SLC22A3: variants seen among roughly 807,000 people sequenced by gnomAD.
The protein encoded by SLC22A3 is EMT organic cation transporter 3.
A neutral mutation model predicts 59.1 loss-of-function variants in SLC22A3; 51 were observed. The observed-to-expected ratio is 0.86, with a 90% CI of 0.69 to 1.09. The LOEUF is 1.09. Ranked by LOEUF, SLC22A3 falls within the 50% of genes least tolerant of loss-of-function variation. The pLI is 0.00. For synonymous variants in SLC22A3, 325 were observed against 292.0 expected, an observed-to-expected ratio of 1.11 and a Z score of -1.15; for missense variants, 711 against 726.3, an observed-to-expected ratio of 0.98 and a Z score of 0.24.
intron 5 of SLC22A3, among the ~76,000 whole-genome samples, chr6:160,429,950 A>G (rs1583505899): frequency 6.6e-6 from 1 of 152,224 alleles, no homozygotes; most frequent in East Asian, 1.9e-4. Flanking sequence ...CTAAAGGAAA[A>G]AGTGCTGGGT....
intron 2 of SLC22A3, among the ~76,000 whole-genome samples, chr6:160,401,265 C>T (rs1786769903): frequency 6.6e-6 from 1 of 151,844 alleles, no homozygotes; most frequent in East Asian, 1.9e-4. Context: ...CGTAGTCAAA[C>T]TACAGAAAGC....
At chr6:160,426,020 C>T in intron 5 of SLC22A3, 1 of 985,384 alleles carries the variant, frequency 1.0e-6, no homozygotes, top group South Asian at 4.7e-5. Context: ...AAGGACGTAC[C>T]AGTGAACAAT....
chr6:160,348,640 C>G lies in SLC22A3; in HGVS notation c.221C>G (p.Thr74Arg), dbSNP rs762514449. ...AGCCCGGAGGAGGAGTGGAACCGCA[C>G]GGCGCCCGCCTCCCGCGGCCCAGAG... Reference protein sequence around the residue: ...GWSPEEEWNRTAPASRGPEPP... With the variant: ...GWSPEEEWNRRAPASRGPEPP... Residue 74 changes from threonine to arginine, a missense_variant, in exon 1 of 11, where the codon ACG becomes AGG. Transcript: ENST00000275300. The G allele has an allele frequency of 2.0e-6, 3 of 1,502,342 alleles. No homozygotes were observed. The highest frequency in any genetic ancestry group is 2.1e-5 in the Admixed American group (1 of 47,436). 93.1% of individuals were successfully genotyped at this position (1,502,342 alleles called of 1,614,324 possible).
chr6:160,400,910 T>G (rs1786747845), intron 2 of SLC22A3, among the ~76,000 whole-genome samples: 1 of 148,746 alleles, frequency 6.7e-6, no homozygotes, highest in African/African-American at 2.5e-5. Context: ...GTTACTGGGC[T>G]TATTAGGAGA....
intron 10 of SLC22A3, 27 bp downstream of exon 10, chr6:160,447,845 A>G: frequency 1.3e-6 from 2 of 1,516,082 alleles, no homozygotes; most frequent in Non-Finnish European, 1.8e-6. Flanking sequence ...AATGCACCCT[A>G]AATAAAAGCA....
At chr6:160,369,700 T>C (rs1785332047) in intron 1 of SLC22A3, among the ~76,000 whole-genome samples, 1 of 152,148 alleles carries the variant, frequency 6.6e-6, no homozygotes, top group South Asian at 2.1e-4. Context: ...TTTGTTGTAT[T>C]TTATTTAGAT....
intron 1 of SLC22A3, among the ~76,000 whole-genome samples, chr6:160,394,246 A>C (rs990666327): frequency 3.9e-5 from 6 of 152,256 alleles, no homozygotes; most frequent in Admixed American, 3.3e-4. Context: ...GGTGATCCAC[A>C]ATGATCTCCC....
At chr6:160,445,799 G>T (rs1211318015) in intron 9 of SLC22A3, among the ~76,000 whole-genome samples, 2 of 152,224 alleles carry the variant, frequency 1.3e-5, no homozygotes, top group Non-Finnish European at 2.9e-5. Flanking sequence ...CACTGTAGCA[G>T]CAAGGCTGAG....
chr6:160,399,163 C>T (rs80199309), intron 2 of SLC22A3, among the ~76,000 whole-genome samples: 6,351 of 152,108 alleles, frequency 0.042, 400 homozygotes, highest in African/African-American at 0.14. Flanking sequence ...CACAGCTGTC[C>T]TTTGCATGTG....
At chr6:160,366,901 C>T (rs1255410636) in intron 1 of SLC22A3, among the ~76,000 whole-genome samples, 1 of 152,176 alleles carries the variant, frequency 6.6e-6, no homozygotes, top group Admixed American at 6.5e-5. Flanking sequence ...CCACATCTTC[C>T]TGTCTTTTGA....
intron 7 of SLC22A3, among the ~76,000 whole-genome samples, chr6:160,439,881 T>C (rs1444622007): frequency 6.6e-6 from 1 of 152,174 alleles, no homozygotes; most frequent in African/African-American, 2.4e-5. Context: ...TAAAGACCCA[T>C]TGGACTTGAT....
At chr6:160,414,715 T>A (rs149299806) in intron 5 of SLC22A3, among the ~76,000 whole-genome samples, 12 of 152,208 alleles carry the variant, frequency 7.9e-5, no homozygotes, top group Non-Finnish European at 2.9e-5. Flanking sequence ...AACCATCAGA[T>A]CTCATGAGAA....
At chr6:160,370,279 G>A (rs1202316017) in intron 1 of SLC22A3, among the ~76,000 whole-genome samples, 1 of 152,198 alleles carries the variant, frequency 6.6e-6, no homozygotes, top group Non-Finnish European at 1.5e-5. Flanking sequence ...GTGGGGCAAA[G>A]TTTTGAAAGA....
chr6:160,408,085 G>A (rs1446338556), intron 3 of SLC22A3, among the ~76,000 whole-genome samples: 2 of 152,140 alleles, frequency 1.3e-5, no homozygotes, highest in African/African-American at 4.8e-5. Context: ...CAGCCTAGGT[G>A]AATCTTCAAA....
At chr6:160,442,000 G>A (rs1176180265) in intron 7 of SLC22A3, among the ~76,000 whole-genome samples, 1 of 152,144 alleles carries the variant, frequency 6.6e-6, no homozygotes, top group Non-Finnish European at 1.5e-5. Context: ...ATAAAAGAAA[G>A]AAAATATTTA....
At chr6:160,363,880 G>A (rs941554799) in intron 1 of SLC22A3, among the ~76,000 whole-genome samples, 1 of 151,640 alleles carries the variant, frequency 6.6e-6, no homozygotes, top group Non-Finnish European at 1.5e-5. Context: ...TGCATCTGGG[G>A]TTCTCCCAGG....
intron 1 of SLC22A3, among the ~76,000 whole-genome samples, chr6:160,397,708 T>C (rs1786546627): frequency 7.0e-6 from 1 of 142,038 alleles, no homozygotes; most frequent in Non-Finnish European, 1.5e-5. Flanking sequence ...CACTTCAGTC[T>C]GGTGACAGAG....
chr6:160,404,326 A>C (rs1786915381), intron 2 of SLC22A3, among the ~76,000 whole-genome samples: 1 of 152,120 alleles, frequency 6.6e-6, no homozygotes, highest in South Asian at 2.1e-4. Flanking sequence ...ATTTAAACAC[A>C]TAATGCCATT....
intron 2 of SLC22A3, 38 bp from the exon 3 acceptor site, chr6:160,407,003 T>G: frequency 1.2e-6 from 2 of 1,610,782 alleles, no homozygotes; most frequent in Non-Finnish European, 1.7e-6. Flanking sequence ...TTGAAGAAAA[T>G]GTTTAAGGTG....
Sources: gnomAD v4.1 joint callset for allele counts (sites outside exome capture counted in the v4.1 genomes callset) on GRCh38, gnomAD v4.1.1 for gene constraint, MANE v1.5 for transcripts, NCBI Gene and HGNC (gene_info 2026-07-23, HGNC 2026-07-21) for gene names.